Variants in HPSE2 observed in about 807,000 individuals in gnomAD.
HPSE2 encodes the protein inactive heparanase-2.
In HPSE2, 38 loss-of-function variants were observed where a neutral mutation model predicts 60.5. The observed-to-expected ratio is 0.63, with a 90% confidence interval of 0.48 to 0.82. The LOEUF (loss-of-function observed/expected upper bound fraction) is 0.82. Ranked by LOEUF, HPSE2 falls within the 40% of genes least tolerant of loss-of-function variation. The pLI is 0.00. For synonymous variants in HPSE2, 295 were observed against 293.2 expected (o/e 1.01, Z -0.06); for missense variants, 713 against 740.4 (o/e 0.96, Z 0.43).
At chr10:98,504,848 T>G (rs1942148956) in intron 9 of HPSE2, among the ~76,000 whole-genome samples, 1 of 152,226 alleles carries the variant, frequency 6.6e-6, no homozygotes, top group African/African-American at 2.4e-5. Context: ...GTTATGTGAT[T>G]CTTTTCTTTG....
chr10:98,508,926 T>C (rs1036724307), intron 9 of HPSE2, among the ~76,000 whole-genome samples: 1 of 152,192 alleles, frequency 6.6e-6, no homozygotes, highest in East Asian at 1.9e-4. Context: ...TGAGAAGCCA[T>C]TGCAGAATTT....
chr10:98,765,477 A>G (rs1950098712), intron 3 of HPSE2, among the ~76,000 whole-genome samples: 1 of 152,202 alleles, frequency 6.6e-6, no homozygotes. Context: ...AAAATAGAAC[A>G]TATCGAAATT....
chr10:99,063,613 C>CA (rs1187256631), intron 3 of HPSE2, among the ~76,000 whole-genome samples: 5 of 152,060 alleles, frequency 3.3e-5, no homozygotes, highest in Non-Finnish European at 7.3e-5. Flanking sequence ...AGTAAATTGT[C>CA]AATCAGAAAT....
chr10:98,934,128 T>C (rs1781758747), intron 3 of HPSE2, among the ~76,000 whole-genome samples: 1 of 144,066 alleles, frequency 6.9e-6, no homozygotes, highest in Admixed American at 6.9e-5. Flanking sequence ...ATATGCTTGG[T>C]AAATTTTCCT....
At chr10:98,602,772 A>T (rs1454830437) in intron 9 of HPSE2, among the ~76,000 whole-genome samples, 1 of 152,198 alleles carries the variant, frequency 6.6e-6, no homozygotes, top group Non-Finnish European at 1.5e-5. Context: ...AATGATGTTG[A>T]ATCTCTACCT....
intron 2 of HPSE2, among the ~76,000 whole-genome samples, chr10:99,204,080 T>C (rs1038257726): frequency 2.0e-5 from 3 of 152,026 alleles, no homozygotes; most frequent in African/African-American, 7.2e-5. Context: ...TCCCAGCACA[T>C]TGTCAGCCCC....
chr10:98,699,238 C>T, intron 5 of HPSE2, among the ~76,000 whole-genome samples: 1 of 152,178 alleles, frequency 6.6e-6, no homozygotes, highest in Non-Finnish European at 1.5e-5. Context: ...TGTAAAAATC[C>T]TCAATAAAAT....
intron 3 of HPSE2, among the ~76,000 whole-genome samples, chr10:99,011,186 T>C (rs985833361): frequency 6.6e-6 from 1 of 152,092 alleles, no homozygotes; most frequent in South Asian, 2.1e-4. Flanking sequence ...TAAAACCATG[T>C]AGACAAATAT....
At chr10:98,792,512 C>T (rs1464401445) in intron 3 of HPSE2, among the ~76,000 whole-genome samples, 1 of 152,034 alleles carries the variant, frequency 6.6e-6, no homozygotes, top group Admixed American at 6.6e-5. Context: ...AGCCTTCTTA[C>T]TGAATTGGAA....
At chr10:99,026,183 CTGAA>C (rs1384573297) in intron 3 of HPSE2, among the ~76,000 whole-genome samples, 1 of 151,952 alleles carries the variant, frequency 6.6e-6, no homozygotes, top group Non-Finnish European at 1.5e-5. Context: ...CATACACTGG[CTGAA>C]TGGATGAGAA....
At chr10:98,807,007 G>T (rs894316520) in intron 3 of HPSE2, among the ~76,000 whole-genome samples, 5 of 152,130 alleles carry the variant, frequency 3.3e-5, no homozygotes, top group African/African-American at 9.7e-5. Flanking sequence ...GCTGGGCGTG[G>T]TGGCAGGCAT....
chr10:99,306,465 T>C, the HPSE2 span, among the ~76,000 whole-genome samples: 1 of 146,336 alleles, frequency 6.8e-6, no homozygotes, highest in Non-Finnish European at 1.5e-5. Flanking sequence ...CAAGCCATTT[T>C]GGGGGTCTGC....
chr10:99,027,528 A>C (rs746993087), intron 3 of HPSE2, among the ~76,000 whole-genome samples: 1 of 152,206 alleles, frequency 6.6e-6, no homozygotes, highest in Non-Finnish European at 1.5e-5. Flanking sequence ...ATTCTACAAA[A>C]CATTTAAGGA....
intron 3 of HPSE2, among the ~76,000 whole-genome samples, chr10:98,941,604 T>C (rs1589401829): frequency 1.4e-5 from 2 of 139,608 alleles, no homozygotes; most frequent in Non-Finnish European, 3.0e-5. Context: ...GGAAGAACAT[T>C]CCATGCTCAT....
intron 2 of HPSE2, among the ~76,000 whole-genome samples, chr10:99,184,111 C>T (rs1295956261): frequency 6.6e-6 from 1 of 151,966 alleles, no homozygotes; most frequent in Non-Finnish European, 1.5e-5. Flanking sequence ...TGTCTGACAT[C>T]CAATTAAAAA....
intron 7 of HPSE2, among the ~76,000 whole-genome samples, chr10:98,632,633 G>T (rs1299823361): frequency 2.0e-5 from 3 of 152,084 alleles, no homozygotes; most frequent in African/African-American, 7.2e-5. Context: ...GCCAAGTGGG[G>T]TCACAGAGGC....
At chr10:98,587,792 A>T (rs1944978648) in intron 9 of HPSE2, among the ~76,000 whole-genome samples, 1 of 152,232 alleles carries the variant, frequency 6.6e-6, no homozygotes, top group Non-Finnish European at 1.5e-5. Flanking sequence ...GCTTATGCTA[A>T]CATTCTCTGG....
At chr10:98,703,281 GC>G (rs1196096739) in intron 5 of HPSE2, among the ~76,000 whole-genome samples, 2 of 152,082 alleles carry the variant, frequency 1.3e-5, no homozygotes, top group African/African-American at 2.4e-5. Context: ...TGAAATTTAG[GC>G]AGTAATTAAT....
chr10:98,606,317 A>T lies in HPSE2; in HGVS notation c.1320+8587T>A, dbSNP rs72831932. 9.8e-3 allele frequency among the ~76,000 whole-genome samples: 1,493 copies of T among 152,352 alleles called. 11 individuals are homozygous for T. The highest frequency in any genetic ancestry group is 0.027 in the South Asian group (129 of 4,828). On this transcript the variant is annotated intron_variant, in intron 9 of 11. Transcript: ENST00000370552. The stretch of plus-strand genomic sequence containing the variant: ...TTTAATTAGGGCAATGTAAACCTCT[A>T]ATACAGTTCTCAATTCTGGCTTCAC...
Sources: allele counts gnomAD v4.1 joint callset (sites outside exome capture counted in the v4.1 genomes callset), GRCh38; gene constraint gnomAD v4.1.1; transcripts MANE v1.5; gene names NCBI Gene and HGNC (gene_info 2026-07-23, HGNC 2026-07-21).